Variants in GPSM2 observed in about 807,000 individuals in gnomAD.
The protein encoded by GPSM2 is G protein-signaling modulator 2.
GPSM2 carries 58 observed loss-of-function variants against 78.4 expected under a neutral mutation model. The ratio of observed to expected loss-of-function variants is 0.74; its 90% CI spans 0.60 to 0.92. The LOEUF is 0.92. GPSM2 is among the 40% of genes least tolerant of loss of function. GPSM2 has a pLI of 0.00. For missense variants in GPSM2, 700 were observed against 815.5 expected (o/e 0.86, Z 1.73); for synonymous variants, 224 against 280.2 (o/e 0.80, Z 2.00).
intron 4 of GPSM2, 99 bp downstream of exon 4, chr1:108,897,726 T>A: frequency 1.7e-6 from 2 of 1,153,298 alleles, no homozygotes; most frequent in Admixed American, 2.6e-5. Context: ...TTAAAATTAA[T>A]ACCAAAAAAG....
chr1:108,908,728 A>AACACACACACACAC lies in GPSM2; in HGVS notation c.1192+4484_1192+4485insACACACACACACAC, dbSNP rs71591128. 2.7e-3 allele frequency among the ~76,000 whole-genome samples: 401 copies of AACACACACACACAC among 148,454 alleles called. 4 individuals carry two copies. Among genetic ancestry groups the AACACACACACACAC allele is most frequent in the African/African-American group, 9.7e-3 (373 of 38,646 alleles). ...CAGCCAGACTCCATCTCAAAACACA[A>AACACACACACACAC]ACACACACACGCCGGGGCAGTGGCT... On this transcript the variant is annotated intron_variant, in intron 10 of 14. Coordinates refer to ENST00000264126, the MANE Select transcript of GPSM2 (RefSeq NM_013296.5).
chr1:108,901,675 CAG>C, intron 7 of GPSM2, 113 bp from the exon 8 acceptor site: 3 of 820,212 alleles, frequency 3.7e-6, no homozygotes, highest in Middle Eastern at 2.3e-4. Context: ...ATTAGGCTCT[CAG>C]AGATTTAAAG....
At chr1:108,918,902 T>C in intron 12 of GPSM2, 113 bp downstream of exon 12, 1 of 717,262 alleles carries the variant, frequency 1.4e-6, no homozygotes, top group Non-Finnish European at 2.5e-6. Context: ...ATAAAATATC[T>C]TTGTATTCAT....
intron 1 of GPSM2, among the ~76,000 whole-genome samples, chr1:108,879,266 T>C (rs1044699045): frequency 6.6e-6 from 1 of 152,238 alleles, no homozygotes; most frequent in African/African-American, 2.4e-5. Flanking sequence ...CTCACTATTG[T>C]AGGATTCTTT....
At chr1:108,925,249 TAA>T (rs1442134108) in intron 14 of GPSM2, among the ~76,000 whole-genome samples, 4 of 152,232 alleles carry the variant, frequency 2.6e-5, no homozygotes, top group Non-Finnish European at 4.4e-5. Flanking sequence ...TTAAATTTGG[TAA>T]ACTGTTAGCC....
rs1665662908 is a variant in GPSM2, at chr1:108,877,141, G to A, written c.-336G>A. On this transcript the variant is annotated 5_prime_UTR_variant, in exon 1 of 15. Transcript: ENST00000264126. ...CGGCCTCCTGCGGTGCCCCTGCCTT[G>A]GGGAGGGGCCGTGACCACCCGTCTG... 1 of 152,202 alleles carries A rather than the reference G, an allele frequency of 6.6e-6. No homozygotes were observed. Among genetic ancestry groups the A allele is most frequent in the Non-Finnish European group, 1.5e-5 (1 of 68,044 alleles). The allele number at this position is 152,202 out of a possible 1,614,324, so 9.4% of individuals were successfully genotyped here. A position where few individuals can be genotyped will look rare whatever the true frequency, so the allele number is the denominator to read the frequency against.
chr1:108,879,948 A>T (rs370673758), intron 1 of GPSM2, among the ~76,000 whole-genome samples: 11 of 152,234 alleles, frequency 7.2e-5, no homozygotes, highest in Non-Finnish European at 1.2e-4. Context: ...CCTGGAACAC[A>T]TTCTGTGCAT....
intron 2 of GPSM2, among the ~76,000 whole-genome samples, chr1:108,889,497 G>A (rs1647812692): frequency 6.6e-6 from 1 of 152,156 alleles, no homozygotes; most frequent in Admixed American, 6.5e-5. Flanking sequence ...GCTAAATTGT[G>A]GGAGCTAAGA....
At chr1:108,913,094 G>T (rs1434502094) in intron 10 of GPSM2, among the ~76,000 whole-genome samples, 3 of 152,084 alleles carry the variant, frequency 2.0e-5, no homozygotes, top group Admixed American at 1.3e-4. Flanking sequence ...TGGTATTGAT[G>T]GGATAGAAAT....
intron 14 of GPSM2, 121 bp from the exon 15 acceptor site, chr1:108,929,580 T>TTCTGAGAAGCCC: frequency 1.2e-6 from 1 of 831,884 alleles, no homozygotes; most frequent in Non-Finnish European, 2.0e-6. Flanking sequence ...AAAGATTAAT[T>TTCTGAGAAGCCC]TCTGAGAAGC....
intron 2 of GPSM2, among the ~76,000 whole-genome samples, chr1:108,895,037 T>C (rs2101385398): frequency 6.6e-6 from 1 of 152,322 alleles, no homozygotes; most frequent in African/African-American, 2.4e-5. Context: ...CATATTTGAA[T>C]GATATTAGGG....
At chr1:108,903,287 G>T (rs1648949414) in intron 9 of GPSM2, 53 bp downstream of exon 9, 1 of 956,308 alleles carries the variant, frequency 1.0e-6, no homozygotes, top group Non-Finnish European at 1.7e-6. Flanking sequence ...CAAATTAGAG[G>T]TTGGGGGAGG....
intron 1 of GPSM2, among the ~76,000 whole-genome samples, chr1:108,878,552 A>G (rs577038285): frequency 6.6e-6 from 1 of 152,340 alleles, no homozygotes; most frequent in African/African-American, 2.4e-5. Flanking sequence ...TAAAACAGTG[A>G]TAAGATATAG....
At position 108,896,909 on chromosome 1, in the gene GPSM2, A is replaced by C; in HGVS notation, c.102A>C (p.Leu34=). The change falls in exon 3 of 15, where the codon CTA becomes CTC. Residue 34 remains leucine, a synonymous_variant. Transcript: ENST00000264126. ...AGCTGGCCTTGGAAGGGGAACGTCT[A>C]TGTAAATCAGGAGACTGCCGCGCTG... ...CLELALEGER[L]CKSGDCRAGV... 9.9e-6 allele frequency: 16 copies of C among 1,614,196 alleles called. No homozygotes were observed. The highest frequency in any genetic ancestry group is 1.3e-5 in the Non-Finnish European group (15 of 1,179,996).
chr1:108,921,523 A>G (rs1650709484), intron 12 of GPSM2, among the ~76,000 whole-genome samples: 1 of 152,156 alleles, frequency 6.6e-6, no homozygotes, highest in South Asian at 2.1e-4. Context: ...TATTATCTCT[A>G]AACAAAACTG....
Position 108,929,861 on chromosome 1 carries a change from AC to A in GPSM2, c.1977del (p.Phe660LeufsTer3). 6.2e-7 allele frequency: 1 copy of A among 1,613,960 alleles called. No individual in the cohort carries two copies. The highest frequency in any genetic ancestry group is 8.5e-7 in the Non-Finnish European group (1 of 1,179,808). Reference protein sequence around the residue: ...LLQRDQNRDTDFGLKDFLQNN... With the variant: ...LLQRDQNRDTXFGLKDFLQNN... ...CAAAGAGATCAAAACAGAGACACTG[AC>A]TTTGGGCTAAAGGACTTTTTGCAAA... is the stretch of plus-strand genomic sequence containing the variant. On this transcript the variant is annotated frameshift_variant, in exon 15 of 15. Coordinates refer to ENST00000264126, the MANE Select transcript of GPSM2 (RefSeq NM_013296.5). LOFTEE classifies it high-confidence loss of function.
chr1:108,926,553 G>A (rs1304422661), intron 14 of GPSM2: 2 of 152,138 alleles, frequency 1.3e-5, no homozygotes, highest in African/African-American at 2.4e-5. Context: ...CCATGACCAA[G>A]TGGGACTTAT....
intron 10 of GPSM2, among the ~76,000 whole-genome samples, chr1:108,907,174 C>G (rs1033570471): frequency 6.6e-5 from 10 of 152,122 alleles, no homozygotes; most frequent in Admixed American, 2.0e-4. Flanking sequence ...TGCCATCTCC[C>G]CAGTGTGAGG....
At position 108,896,979 on chromosome 1, in the gene GPSM2, C is replaced by T. The variant is rs1057524219; in HGVS notation, c.172C>T (p.Leu58=). The T allele has an allele frequency of 3.7e-6, 6 of 1,613,858 alleles. No homozygotes were observed. In the Admixed American group the frequency reaches 6.7e-5, roughly 18 times the overall value. The change falls in exon 3 of 15, where the codon CTA becomes TTA. Residue 58 remains leucine (L), a synonymous_variant. Coordinates refer to ENST00000264126, the MANE Select transcript of GPSM2 (RefSeq NM_013296.5). The part of the protein sequence containing the change: ...EAAVQVGTED[L]KTLSAIYSQL... ...TGCAGTTCAAGTTGGAACTGAAGAC[C>T]TAAAAACACTTAGCGCTATTTACAG... is the stretch of plus-strand genomic sequence containing the variant.
Sources: allele counts gnomAD v4.1 joint callset (sites outside exome capture counted in the v4.1 genomes callset), GRCh38; gene constraint gnomAD v4.1.1; transcripts MANE v1.5; gene names NCBI Gene and HGNC (gene_info 2026-07-23, HGNC 2026-07-21).